VRK2: variants seen among roughly 807,000 people sequenced by gnomAD.
VRK2 encodes the protein serine/threonine-protein kinase VRK2.
Under a neutral mutation model 57.6 loss-of-function variants are expected in VRK2, and 60 were observed. The observed-to-expected ratio is 1.04, with a 90% confidence interval of 0.85 to 1.29. The LOEUF is 1.29. Among genes scored for constraint, VRK2 ranks in the 50% most tolerant of loss-of-function variants. The pLI is 0.00. For missense variants in VRK2, 705 were observed against 588.1 expected (o/e 1.20, Z -2.06); for synonymous variants, 231 against 199.2 (o/e 1.16, Z -1.35).
intron 2 of VRK2, among the ~76,000 whole-genome samples, chr2:58,072,518 A>G (rs1325004165): frequency 6.6e-6 from 1 of 151,992 alleles, no homozygotes. Flanking sequence ...TAATGTGATC[A>G]TATGATGTTT....
chr2:57,933,549 C>A (rs1052470424), intron 1 of VRK2, among the ~76,000 whole-genome samples: 1 of 151,598 alleles, frequency 6.6e-6, no homozygotes, highest in Admixed American at 6.6e-5. Context: ...ACCTCGTGAT[C>A]CACCCACCTC....
intron 12 of VRK2, among the ~76,000 whole-genome samples, chr2:58,158,106 TCTATC>T (rs2104739243): frequency 6.6e-6 from 1 of 152,316 alleles, no homozygotes; most frequent in African/African-American, 2.4e-5. Context: ...TAGCTTGACT[TCTATC>T]CTTACCTAAG....
At chr2:58,074,372 A>G (rs73942293) in intron 2 of VRK2, among the ~76,000 whole-genome samples, 23,538 of 151,462 alleles carry the variant, frequency 0.16, 2,875 homozygotes, top group African/African-American at 0.34. Flanking sequence ...TTGGTTTTTT[A>G]TCTGTTTTTT....
intron 12 of VRK2, among the ~76,000 whole-genome samples, chr2:58,151,731 GTTTTT>G (rs60379025): frequency 2.6e-3 from 44 of 16,724 alleles, no homozygotes; most frequent in African/African-American, 5.8e-3. Flanking sequence ...TTCTATGCTT[GTTTTT>G]TTTTTTTTTT....
At chr2:58,027,766 T>C (rs372019481) in intron 2 of VRK2, among the ~76,000 whole-genome samples, 6 of 152,176 alleles carry the variant, frequency 3.9e-5, no homozygotes, top group African/African-American at 1.4e-4. Flanking sequence ...ATAAGATTTA[T>C]AGAAGTATAA....
chr2:58,142,338 T>C (rs181106245), intron 11 of VRK2, among the ~76,000 whole-genome samples: 5 of 151,892 alleles, frequency 3.3e-5, no homozygotes, highest in African/African-American at 9.6e-5. Flanking sequence ...TTTTTTTTTT[T>C]CCAATACTGG....
At chr2:58,121,501 G>T (rs1161761388) in intron 7 of VRK2, among the ~76,000 whole-genome samples, 1 of 152,128 alleles carries the variant, frequency 6.6e-6, no homozygotes, top group Non-Finnish European at 1.5e-5. Flanking sequence ...TACTTCTGAG[G>T]CCATGTTAAG....
upstream of VRK2, among the ~76,000 whole-genome samples, chr2:58,046,345 G>T (rs183356607): frequency 6.6e-6 from 1 of 152,308 alleles, no homozygotes; most frequent in East Asian, 1.9e-4. Flanking sequence ...ATGCCTTTGA[G>T]AACTTAAACG....
At chr2:58,032,753 C>T (rs1212716223) in intron 2 of VRK2, among the ~76,000 whole-genome samples, 1 of 152,132 alleles carries the variant, frequency 6.6e-6, no homozygotes, top group Non-Finnish European at 1.5e-5. Context: ...GTATGAAACA[C>T]AGGACTGGCT....
At chr2:57,988,400 T>C (rs1291210874) in intron 1 of VRK2, among the ~76,000 whole-genome samples, 1 of 152,218 alleles carries the variant, frequency 6.6e-6, no homozygotes, top group Non-Finnish European at 1.5e-5. Flanking sequence ...TAATTTTATG[T>C]GTCTACATGA....
At chr2:57,952,678 TG>T (rs1351629704) in intron 1 of VRK2, among the ~76,000 whole-genome samples, 2 of 152,192 alleles carry the variant, frequency 1.3e-5, no homozygotes, top group Admixed American at 6.5e-5. Context: ...TGATCTCATT[TG>T]CCTCTCAAAA....
intron 7 of VRK2, among the ~76,000 whole-genome samples, chr2:58,106,497 G>A (rs1402865431): frequency 6.6e-6 from 1 of 151,998 alleles, no homozygotes; most frequent in Non-Finnish European, 1.5e-5. Flanking sequence ...CAGTATTTAA[G>A]GCAGTCATAG....
At chr2:58,023,379 T>A (rs577596934) in intron 1 of VRK2, among the ~76,000 whole-genome samples, 1 of 152,304 alleles carries the variant, frequency 6.6e-6, no homozygotes, top group South Asian at 2.1e-4. Context: ...ATAACAAAAT[T>A]TCTATATACA....
chr2:58,153,575 T>G (rs746387694), intron 12 of VRK2, among the ~76,000 whole-genome samples: 29 of 152,072 alleles, frequency 1.9e-4, no homozygotes, highest in Non-Finnish European at 1.6e-4. Flanking sequence ...ACTTCGTCAT[T>G]TTATATTATT....
chr2:57,994,153 A>C (rs1255633224), intron 1 of VRK2, among the ~76,000 whole-genome samples: 1 of 152,198 alleles, frequency 6.6e-6, no homozygotes, highest in Non-Finnish European at 1.5e-5. Context: ...TTCTTAAAGA[A>C]AACTTTATGG....
chr2:58,086,321 A>G lies in VRK2; in HGVS notation c.257-18A>G. ...TCAAATAACATGAATCTTTTTAAAAATAAATTTGTCTTTGTAGTCAAAAAG... is the reference window on the plus strand; with the variant it reads ...TCAAATAACATGAATCTTTTTAAAAGTAAATTTGTCTTTGTAGTCAAAAAG... On this transcript the variant is annotated intron_variant, in intron 4 of 12. Transcript: ENST00000340157. 1.3e-6 allele frequency: 2 copies of G among 1,580,184 alleles called. No homozygotes were observed. Among genetic ancestry groups the G allele is most frequent in the Non-Finnish European group, 8.6e-7 (1 of 1,164,630 alleles).
Position 58,159,634 on chromosome 2 carries a change from T to C in VRK2, c.1468T>C (p.Tyr490His). ...AGAGACAAACGCAGATGTTTATTATTATCGCATCATCATACCTGTCCTTTT... is the reference window on the plus strand; with the variant it reads ...AGAGACAAACGCAGATGTTTATTATCATCGCATCATCATACCTGTCCTTTT... ...SEETNADVYY[Y>H]RIIIPVLLML... The change falls in exon 13 of 13, where the codon TAT (tyrosine) becomes CAT (histidine). Residue 490 changes from tyrosine (Y) to histidine (H), a missense_variant. By Grantham distance (83) the Tyr-to-His change is moderately conservative. Coordinates refer to ENST00000340157, the MANE Select transcript of VRK2 (RefSeq NM_006296.7). The C allele has an allele frequency of 3.1e-6, 5 of 1,613,822 alleles. No individual in the cohort carries two copies. The highest frequency in any genetic ancestry group is 4.2e-6 in the Non-Finnish European group (5 of 1,179,792).
chr2:58,006,676 G>C (rs1209579797), intron 1 of VRK2, among the ~76,000 whole-genome samples: 1 of 152,122 alleles, frequency 6.6e-6, no homozygotes, highest in Non-Finnish European at 1.5e-5. Flanking sequence ...AATCTCCAAG[G>C]CAAGGTGGGT....
chr2:58,146,653 A>G (rs1403844584), intron 12 of VRK2, among the ~76,000 whole-genome samples, 179 bp downstream of exon 12: 1 of 152,046 alleles, frequency 6.6e-6, no homozygotes, highest in East Asian at 1.9e-4. Context: ...ACCAGTTATC[A>G]TAGAAACAGA....
Sources: allele counts gnomAD v4.1 joint callset (sites outside exome capture counted in the v4.1 genomes callset), GRCh38; gene constraint gnomAD v4.1.1; transcripts MANE v1.5; gene names NCBI Gene and HGNC (gene_info 2026-07-23, HGNC 2026-07-21).